ASS1: variants seen among roughly 807,000 people sequenced by gnomAD.
ASS1 encodes the protein argininosuccinate synthase 1.
A neutral mutation model predicts 60.5 loss-of-function variants in ASS1; 58 were observed. That is an observed-to-expected ratio of 0.96 (90% CI 0.78 to 1.19). The LOEUF is 1.19. Ranked by LOEUF, ASS1 falls within the 50% of genes most tolerant of loss-of-function variation. The pLI is 0.00. For synonymous variants in ASS1, 200 were observed against 206.9 expected (o/e 0.97, Z 0.29); for missense variants, 454 against 547.3 (o/e 0.83, Z 1.70).
In ASS1 at chr9:130,456,145, G is replaced by A. The variant is rs575864468; in HGVS notation, c.174+1772G>A. Among the ~76,000 whole-genome samples the A allele has an allele frequency of 1.2e-4, 19 of 152,300 alleles. 1 individual carries two copies. The South Asian group carries it at 2.1e-3, about 17-fold the overall frequency. ...TCCTCTACACTCTAATTTACGTGGCGTTTTTAATGTTTATTTTCTTGCATA... is the reference window on the plus strand; with the variant it reads ...TCCTCTACACTCTAATTTACGTGGCATTTTTAATGTTTATTTTCTTGCATA... On this transcript the variant is annotated intron_variant, in intron 3 of 14. Coordinates refer to ENST00000352480, the MANE Select transcript of ASS1 (RefSeq NM_054012.4).
chr9:130,458,902 G>A (rs74351216), intron 4 of ASS1, among the ~76,000 whole-genome samples: 1,597 of 152,338 alleles, frequency 0.01, 13 homozygotes, highest in Non-Finnish European at 0.017. Context: ...AGGTCACTGC[G>A]TGAGTCCCCC....
chr9:130,469,676 T>C (rs911413176), intron 6 of ASS1, among the ~76,000 whole-genome samples: 1 of 152,238 alleles, frequency 6.6e-6, no homozygotes, highest in Non-Finnish European at 1.5e-5. Flanking sequence ...CCTTGTAGGC[T>C]GTTTTAAAAT....
intron 13 of ASS1, among the ~76,000 whole-genome samples, chr9:130,495,408 C>T (rs893682995): frequency 6.6e-6 from 1 of 150,570 alleles, no homozygotes; most frequent in Non-Finnish European, 1.5e-5. Flanking sequence ...CATAGAAAGA[C>T]CTTGTCTCAA....
rs1248643636 is a variant in ASS1 at position 130,494,975 on chromosome 9, T to A, written c.1079T>A (p.Ile360Asn). The stretch of plus-strand genomic sequence containing the variant: ...TCCGTCCTCAAGGGCCAGGTGTACA[T>A]CCTCGGCCGGGAGTCCCCACTGTCT... ...QVSVLKGQVY[I>N]LGRESPLSLY... is the part of the protein sequence containing the mutation. The change falls in exon 13 of 15, where the codon ATC (isoleucine) becomes AAC (asparagine). Residue 360 changes from isoleucine (I) to asparagine (N), a missense_variant. By Grantham distance (149) the Ile-to-Asn change is moderately radical. Coordinates refer to ENST00000352480, the MANE Select transcript of ASS1 (RefSeq NM_054012.4). This position sits in a 1 kb window ranked among gnomAD's most constrained non-coding sequence, Gnocchi z 4.3. 5 of 1,613,450 alleles carry A rather than the reference T, an allele frequency of 3.1e-6. No individual in the cohort carries two copies. Among genetic ancestry groups the A allele is most frequent in the Non-Finnish European group, 3.4e-6 (4 of 1,179,996 alleles).
intron 1 of ASS1, among the ~76,000 whole-genome samples, chr9:130,447,614 G>T (rs1248596766): frequency 6.6e-6 from 1 of 152,216 alleles, no homozygotes; most frequent in Non-Finnish European, 1.5e-5. Flanking sequence ...GGAGGGCAGT[G>T]GGCATTTGCC....
chr9:130,462,344 C>T (rs1028332591), intron 4 of ASS1, among the ~76,000 whole-genome samples: 2 of 152,190 alleles, frequency 1.3e-5, no homozygotes, highest in Non-Finnish European at 2.9e-5. Flanking sequence ...TGCGGACACT[C>T]GTGTGTGAGA....
Position 130,489,964 on chromosome 9 carries a change from G to A in ASS1, c.970+500G>A, listed in dbSNP as rs1416414805. Among the ~76,000 whole-genome samples the A allele has an allele frequency of 2.0e-5, 3 of 152,256 alleles. No individual in the cohort carries two copies. Among genetic ancestry groups the A allele is most frequent in the African/African-American group, 7.2e-5 (3 of 41,472 alleles). On this transcript the variant is annotated intron_variant, in intron 12 of 14. Coordinates refer to ENST00000352480, the MANE Select transcript of ASS1 (RefSeq NM_054012.4). The surrounding 1 kb of genome is among the most constrained non-coding windows in gnomAD (Gnocchi z 4.1). ...CTGGACCTACTCCATGAACTTGAGG[G>A]AGAGGCTCCCTGGACCAGGAACTCA... is the stretch of plus-strand genomic sequence containing the variant.
intron 3 of ASS1, among the ~76,000 whole-genome samples, 158 bp from the exon 4 acceptor site, chr9:130,458,243 T>C (rs377231954): frequency 3.0e-4 from 46 of 151,654 alleles, no homozygotes; most frequent in Non-Finnish European, 5.0e-4. Flanking sequence ...TGTGCTGGGA[T>C]TGATGAATGA....
At chr9:130,467,549 G>A (rs1303194157) in intron 6 of ASS1, among the ~76,000 whole-genome samples, 1 of 152,170 alleles carries the variant, frequency 6.6e-6, no homozygotes, top group African/African-American at 2.4e-5. Flanking sequence ...TGGTAGGGGA[G>A]GCGGCAGGGA....
chr9:130,473,976 T>A (rs1845940398), intron 8 of ASS1, among the ~76,000 whole-genome samples: 1 of 150,984 alleles, frequency 6.6e-6, no homozygotes, highest in Non-Finnish European at 1.5e-5. Context: ...TCTCGGGGCC[T>A]GTTTCATGCT....
rs770688393 is a variant in ASS1 at position 130,458,574 on chromosome 9, C to T, written c.348C>T (p.His116=). The T allele has an allele frequency of 2.6e-5, 42 of 1,612,586 alleles. No individual in the cohort carries two copies. Among genetic ancestry groups the T allele is most frequent in the East Asian group, 1.1e-4 (5 of 44,880 alleles). Residue 116 remains histidine (H), a synonymous_variant, in exon 4 of 15, where the codon CAC becomes CAT. Transcript: ENST00000352480. ...GGGAGGGGGCCAAGTATGTGTCCCA[C>T]GGCGCCACAGGAAAGGTGAGGCACC... is the stretch of plus-strand genomic sequence containing the variant. The part of the protein sequence containing the change: ...AQREGAKYVS[H]GATGKGNDQV...
In ASS1 at chr9:130,477,098, A is replaced by C; in HGVS notation, c.688+137A>C. On this transcript the variant is annotated intron_variant, in intron 9 of 14. Transcript: ENST00000352480. The surrounding 1 kb of genome is among the most constrained non-coding windows in gnomAD (Gnocchi z 4.2). ...AAGCTAGAGTTCAGGCAGGGGCTTC[A>C]AGGTAACGCACAGCCCACCTCCCTG... 1.1e-6 allele frequency: 1 copy of C among 910,320 alleles called. No homozygotes were observed. Among genetic ancestry groups the C allele is most frequent in the South Asian group, 1.5e-5 (1 of 66,958 alleles). The allele number at this position is 910,320 out of a possible 1,614,324, so 56.4% of individuals were successfully genotyped here.
rs796874986 is a variant in ASS1 at position 130,465,056 on chromosome 9, ATT to A, written c.420+900_420+901del. ...GTTTTATATATATATATATATATAT[ATT>A]TTTTTTTTTTCTTTTTCTGGAGACT... On this transcript the variant is annotated intron_variant, in intron 5 of 14. Coordinates refer to ENST00000352480, the MANE Select transcript of ASS1 (RefSeq NM_054012.4). Among the ~76,000 whole-genome samples the A allele has an allele frequency of 7.2e-3, 869 of 120,112 alleles. 3 individuals are homozygous for A. Among genetic ancestry groups the A allele is most frequent in the Admixed American group, 0.016 (201 of 12,420 alleles). 78.8% of individuals were successfully genotyped at this position (120,112 alleles called of 152,430 possible).
Position 130,459,732 on chromosome 9 carries a change from G to T in ASS1, c.363+1143G>T, listed in dbSNP as rs553086018. Among the ~76,000 whole-genome samples the T allele has an allele frequency of 1.4e-4, 22 of 152,360 alleles. No homozygotes were observed. The highest frequency in any genetic ancestry group is 1.4e-3 in the Admixed American group (22 of 15,312). On this transcript the variant is annotated intron_variant, in intron 4 of 14. Coordinates refer to ENST00000352480, the MANE Select transcript of ASS1 (RefSeq NM_054012.4). The surrounding 1 kb of genome is among the most constrained non-coding windows in gnomAD (Gnocchi z 4.6). ...TTACAGGCGTGGGCCACCATGCCCA[G>T]CCTTAACTTGGTTATTTCTGTTAAG... is the stretch of plus-strand genomic sequence containing the variant.
In ASS1 at chr9:130,488,569, G is replaced by A. The variant is rs1846364356; in HGVS notation, c.839-764G>A. ...TTTCTGTCTCACTCGGAGATCATCTGTTCCAAGCAGGTTGTTTTCCAAATG... is the reference window on the plus strand; with the variant it reads ...TTTCTGTCTCACTCGGAGATCATCTATTCCAAGCAGGTTGTTTTCCAAATG... On this transcript the variant is annotated intron_variant, in intron 11 of 14. Transcript: ENST00000352480. This position sits in a 1 kb window ranked among gnomAD's most constrained non-coding sequence, Gnocchi z 5.2. Among the ~76,000 whole-genome samples the A allele has an allele frequency of 6.6e-6, 1 of 152,250 alleles. No homozygotes were observed. Among genetic ancestry groups the A allele is most frequent in the African/African-American group, 2.4e-5 (1 of 41,464 alleles).
At chr9:130,490,779 C>A (rs1346925689) in intron 12 of ASS1, among the ~76,000 whole-genome samples, 1 of 152,222 alleles carries the variant, frequency 6.6e-6, no homozygotes, top group South Asian at 2.1e-4. Context: ...GGAGGTTGAG[C>A]CATTTGAGAG....
chr9:130,448,419 C>CGT (rs1845246531), intron 1 of ASS1, among the ~76,000 whole-genome samples: 11 of 81,878 alleles, frequency 1.3e-4, no homozygotes, highest in Admixed American at 5.8e-4. Flanking sequence ...GGTGTGTGCG[C>CGT]GCGCACACAC....
chr9:130,489,385 C>G lies in ASS1; in HGVS notation c.891C>G (p.Ile297Met). The change falls in exon 12 of 15, where the codon ATC becomes ATG. Residue 297 changes from isoleucine to methionine, a missense_variant. Coordinates refer to ENST00000352480, the MANE Select transcript of ASS1 (RefSeq NM_054012.4). The surrounding 1 kb of genome is among the most constrained non-coding windows in gnomAD (Gnocchi z 4.1). ...TCCTTTACCATGCTCATTTAGACAT[C>G]GAGGCCTTCACCATGGACCGGGAAG... Reference protein sequence around the residue: ...GTILYHAHLDIEAFTMDREVR... With the variant: ...GTILYHAHLDMEAFTMDREVR... 1 of 1,613,982 alleles carries G rather than the reference C, an allele frequency of 6.2e-7. No homozygotes were observed. Among genetic ancestry groups the G allele is most frequent in the Non-Finnish European group, 8.5e-7 (1 of 1,180,012 alleles).
chr9:130,464,380 G>A (rs572564411), intron 5 of ASS1, among the ~76,000 whole-genome samples: 6 of 152,286 alleles, frequency 3.9e-5, no homozygotes, highest in Middle Eastern at 3.4e-3. Flanking sequence ...CATTCTTCCC[G>A]GAGAGGCTGT....
Sources: allele counts gnomAD v4.1 joint callset (sites outside exome capture counted in the v4.1 genomes callset), GRCh38; gene constraint gnomAD v4.1.1; non-coding constraint Gnocchi (gnomAD v3.1); transcripts MANE v1.5; gene names NCBI Gene and HGNC (gene_info 2026-07-23, HGNC 2026-07-21).